Variants in FRMD4B observed in about 807,000 individuals in gnomAD.
FRMD4B encodes the protein FERM domain containing 4B, also known as FERM domain-containing protein 4B.
A neutral mutation model predicts 141.5 loss-of-function variants in FRMD4B; 74 were observed. That is an observed-to-expected ratio of 0.52 (90% CI 0.43 to 0.63). The LOEUF is 0.63. Among genes scored for constraint, FRMD4B ranks in the 30% least tolerant of loss-of-function variants. The pLI, the probability that FRMD4B is intolerant of heterozygous loss-of-function variation, is 0.00. For missense variants in FRMD4B, 1,366 were observed against 1,253.4 expected (o/e 1.09, Z -1.36); for synonymous variants, 506 against 467.9 (o/e 1.08, Z -1.05).
chr3:69,366,323 G>C (rs932850836), intron 1 of FRMD4B, among the ~76,000 whole-genome samples: 1 of 151,590 alleles, frequency 6.6e-6, no homozygotes, highest in Non-Finnish European at 1.5e-5. Context: ...ATCAATAGGA[G>C]ACTGATGTAA....
At chr3:69,275,003 A>C (rs1003070240) in intron 5 of FRMD4B, among the ~76,000 whole-genome samples, 2 of 152,196 alleles carry the variant, frequency 1.3e-5, no homozygotes, top group African/African-American at 4.8e-5. Flanking sequence ...CCCAGGCTGC[A>C]TACTGATTCT....
At chr3:69,373,373 A>G (rs1015965628) in intron 1 of FRMD4B, among the ~76,000 whole-genome samples, 1 of 152,244 alleles carries the variant, frequency 6.6e-6, no homozygotes, top group African/African-American at 2.4e-5. Flanking sequence ...CATCTCATTC[A>G]ATGACTCAAG....
Position 69,449,495 on chromosome 3 carries a change from T to C in FRMD4B, c.-128-16734A>G, listed in dbSNP as rs557768302. Among the ~76,000 whole-genome samples the C allele has an allele frequency of 5.3e-5, 8 of 152,306 alleles. 1 individual carries two copies. In the South Asian group the frequency reaches 1.4e-3, roughly 28 times the overall value. On this transcript the variant is annotated intron_variant, in intron 1 of 5. Coordinates refer to the FRMD4B transcript ENST00000459638. The stretch of plus-strand genomic sequence containing the variant: ...GGAGGTGAAAAAGCGGATGAATGCA[T>C]CTAGATATTATCTCCTAGCCCCCAT...
chr3:69,323,627 T>G (rs1702089134), intron 1 of FRMD4B, among the ~76,000 whole-genome samples: 1 of 52,896 alleles, frequency 1.9e-5, no homozygotes, highest in Admixed American at 2.2e-4. Context: ...TATATATATA[T>G]ATATATATAT....
At chr3:69,519,273 G>C (rs185521151) in intron 1 of FRMD4B, among the ~76,000 whole-genome samples, 1 of 152,172 alleles carries the variant, frequency 6.6e-6, no homozygotes, top group African/African-American at 2.4e-5. Flanking sequence ...GCCAAGTGGA[G>C]TGTGAATGTG....
chr3:69,282,474 T>C (rs1009535213), intron 5 of FRMD4B, among the ~76,000 whole-genome samples: 2 of 152,188 alleles, frequency 1.3e-5, no homozygotes, highest in East Asian at 3.8e-4. Flanking sequence ...GAAACTATGT[T>C]CTCATAAAAC....
intron 1 of FRMD4B, among the ~76,000 whole-genome samples, chr3:69,472,748 G>A (rs964480484): frequency 4.6e-5 from 7 of 151,984 alleles, no homozygotes; most frequent in Non-Finnish European, 8.8e-5. Context: ...GAGGGGACCC[G>A]GAAGAGGGGT....
chr3:69,397,007 G>C (rs1211569957), intron 2 of FRMD4B, among the ~76,000 whole-genome samples: 1 of 152,084 alleles, frequency 6.6e-6, no homozygotes, highest in African/African-American at 2.4e-5. Flanking sequence ...AAGGAGTGAG[G>C]TATATACTCA....
At chr3:69,488,341 C>A (rs1467807992) in intron 1 of FRMD4B, among the ~76,000 whole-genome samples, 1 of 152,130 alleles carries the variant, frequency 6.6e-6, no homozygotes, top group Non-Finnish European at 1.5e-5. Context: ...ACCATGCAAC[C>A]AGAGCTTGGC....
At chr3:69,358,155 G>C (rs532389411) in intron 1 of FRMD4B, among the ~76,000 whole-genome samples, 12 of 152,192 alleles carry the variant, frequency 7.9e-5, no homozygotes, top group Non-Finnish European at 1.6e-4. Context: ...CTGTATGTCA[G>C]AGCTCCTTGG....
chr3:69,491,977 C>A (rs1031743076), intron 1 of FRMD4B, among the ~76,000 whole-genome samples: 1 of 152,206 alleles, frequency 6.6e-6, no homozygotes, highest in Admixed American at 6.5e-5. Flanking sequence ...CCTCTTCCCC[C>A]TCCTCCGCCG....
At chr3:69,370,310 C>G (rs952516103) in intron 1 of FRMD4B, among the ~76,000 whole-genome samples, 1 of 152,134 alleles carries the variant, frequency 6.6e-6, no homozygotes, top group Non-Finnish European at 1.5e-5. Flanking sequence ...CAGAGCCCAA[C>G]CACAGGGCCG....
Position 69,253,958 on chromosome 3 carries a change from A to G in FRMD4B, c.502-3859T>C, listed in dbSNP as rs138478172. ...TAGCCAGGTGTGGTGGCTCATGTCT[A>G]TATTCCCACTACTAGGGAGGCTGAG... On this transcript the variant is annotated intron_variant, in intron 5 of 22. Coordinates refer to ENST00000398540, the MANE Select transcript of FRMD4B (RefSeq NM_015123.3). Among the ~76,000 whole-genome samples the G allele has an allele frequency of 3.3e-3, 496 of 152,098 alleles. 2 individuals are homozygous for G. The highest frequency in any genetic ancestry group is 0.011 in the African/African-American group (475 of 41,496).
At chr3:69,200,536 T>A (rs2092955594) in intron 11 of FRMD4B, 1 of 1,105,850 alleles carries the variant, frequency 9.0e-7, no homozygotes, top group Non-Finnish European at 1.1e-6. Context: ...GACACTTAGG[T>A]GTAACTCAAT....
chr3:69,482,588 T>C (rs1363882962), intron 1 of FRMD4B, among the ~76,000 whole-genome samples: 2 of 152,224 alleles, frequency 1.3e-5, no homozygotes, highest in African/African-American at 4.8e-5. Context: ...AAAGAGCATG[T>C]TTCATGTGAA....
At chr3:69,398,057 T>A in intron 2 of FRMD4B, among the ~76,000 whole-genome samples, 1 of 152,026 alleles carries the variant, frequency 6.6e-6, no homozygotes, top group Admixed American at 6.6e-5. Context: ...AAGGTAAAAA[T>A]CAGAGCAGAA....
intron 5 of FRMD4B, among the ~76,000 whole-genome samples, chr3:69,268,443 T>C (rs1403651607): frequency 6.6e-6 from 1 of 151,990 alleles, no homozygotes; most frequent in Non-Finnish European, 1.5e-5. Context: ...AGCTCTCAAC[T>C]TCTGTACTTA....
chr3:69,210,452 C>T (rs2093064434), intron 11 of FRMD4B, among the ~76,000 whole-genome samples: 1 of 151,612 alleles, frequency 6.6e-6, no homozygotes. Flanking sequence ...CTTCATCAGT[C>T]TCTAAGTCCA....
At chr3:69,386,220 CA>C, upstream of FRMD4B, 1 of 439,130 alleles carries the variant, frequency 2.3e-6, no homozygotes, top group Non-Finnish European at 4.1e-6. Context: ...GCCCAGTGTC[CA>C]CCCCCGCCCG....
Sources: allele counts gnomAD v4.1 joint callset (sites outside exome capture counted in the v4.1 genomes callset), GRCh38; gene constraint gnomAD v4.1.1; transcripts MANE v1.5; gene names NCBI Gene and HGNC (gene_info 2026-07-23, HGNC 2026-07-21).